The following C1QTNF3 variants were observed in gnomAD, a reference collection of about 807,000 sequenced individuals.
C1QTNF3 encodes the protein complement C1q tumor necrosis factor-related protein 3.
A neutral mutation model predicts 32.6 loss-of-function variants in C1QTNF3; 26 were observed. The ratio of observed to expected loss-of-function variants is 0.80; its 90% CI spans 0.58 to 1.11. C1QTNF3 has a LOEUF of 1.11. Ranked by LOEUF, C1QTNF3 falls within the 50% of genes least tolerant of loss-of-function variation. C1QTNF3 has a pLI of 0.00. For missense variants in C1QTNF3, 362 were observed against 398.2 expected (o/e 0.91, Z 0.77); for synonymous variants, 155 against 146.0 (o/e 1.06, Z -0.44).
chr5:34,113,240 A>G, the C1QTNF3 span, among the ~76,000 whole-genome samples: 1 of 150,024 alleles, frequency 6.7e-6, no homozygotes, highest in South Asian at 2.1e-4. Context: ...AAAAGCAAGA[A>G]TTCTAGAAGC....
chr5:34,216,730 T>C, the C1QTNF3 span, among the ~76,000 whole-genome samples: 1 of 152,330 alleles, frequency 6.6e-6, no homozygotes, highest in South Asian at 2.1e-4. Context: ...GTCCACAAAA[T>C]CTATAAATCA....
At chr5:34,100,102 C>T in the C1QTNF3 span, among the ~76,000 whole-genome samples, 1 of 151,770 alleles carries the variant, frequency 6.6e-6, no homozygotes, top group Middle Eastern at 3.2e-3. Flanking sequence ...CCGACAGGTT[C>T]AGTGTCTGGT....
At chr5:34,167,144 T>G in the C1QTNF3 span, 2 of 152,170 alleles carry the variant, frequency 1.3e-5, no homozygotes, top group Non-Finnish European at 2.9e-5. Context: ...TTTCACGTTG[T>G]AAGCATTCTT....
chr5:34,088,178 CCTTCT>C, the C1QTNF3 span, among the ~76,000 whole-genome samples: 1 of 152,036 alleles, frequency 6.6e-6, no homozygotes, highest in South Asian at 2.1e-4. Flanking sequence ...ATGGGTTAGG[CCTTCT>C]CTTGTTTTTC....
the C1QTNF3 span, among the ~76,000 whole-genome samples, chr5:34,052,220 A>C: frequency 1.3e-5 from 2 of 152,340 alleles, no homozygotes; most frequent in Non-Finnish European, 1.5e-5. Context: ...TACTACAGAT[A>C]GTCTATGGAC....
the C1QTNF3 span, among the ~76,000 whole-genome samples, chr5:34,140,940 T>C: frequency 2.0e-5 from 3 of 152,220 alleles, no homozygotes; most frequent in African/African-American, 7.2e-5. Flanking sequence ...CTGACCTCCA[T>C]AAATGTCCAT....
At chr5:34,223,888 A>G in the C1QTNF3 span, among the ~76,000 whole-genome samples, 2 of 152,132 alleles carry the variant, frequency 1.3e-5, no homozygotes, top group African/African-American at 2.4e-5. Flanking sequence ...ACATGATTGT[A>G]TATCTAGAAA....
chr5:34,208,039 C>G, the C1QTNF3 span, among the ~76,000 whole-genome samples: 3 of 152,174 alleles, frequency 2.0e-5, no homozygotes, highest in African/African-American at 7.2e-5. Context: ...ATCTGCCCAC[C>G]TTGGCCTCCC....
chr5:34,174,447 C>T, the C1QTNF3 span, among the ~76,000 whole-genome samples: 4 of 152,194 alleles, frequency 2.6e-5, no homozygotes, highest in East Asian at 3.9e-4. Context: ...CTAGGTGCCA[C>T]GCAGAGAAGA....
chr5:34,103,840 G>A, the C1QTNF3 span, among the ~76,000 whole-genome samples: 1 of 151,268 alleles, frequency 6.6e-6, no homozygotes, highest in East Asian at 1.9e-4. Flanking sequence ...AAAAAAGGTA[G>A]TCAAATCACG....
chr5:34,231,657 G>A, the C1QTNF3 span, among the ~76,000 whole-genome samples: 6 of 152,212 alleles, frequency 3.9e-5, no homozygotes, highest in Admixed American at 6.5e-5. Context: ...GCTTCCACAT[G>A]AGGCTGGGCC....
chr5:34,203,049 C>A, the C1QTNF3 span, among the ~76,000 whole-genome samples: 9 of 152,200 alleles, frequency 5.9e-5, no homozygotes, highest in Admixed American at 3.3e-4. Context: ...GAATTCGTCA[C>A]CACTAAACGA....
At chr5:34,132,427 ATG>A in the C1QTNF3 span, among the ~76,000 whole-genome samples, 43 of 38,952 alleles carry the variant, frequency 1.1e-3, no homozygotes, top group African/African-American at 2.9e-3. Context: ...ATGTATGTGT[ATG>A]TGTATGTATA....
chr5:34,209,787 T>C, the C1QTNF3 span, among the ~76,000 whole-genome samples: 1 of 152,130 alleles, frequency 6.6e-6, no homozygotes, highest in Non-Finnish European at 1.5e-5. Flanking sequence ...ACAAGAAATA[T>C]GCCAGATGTA....
the C1QTNF3 span, among the ~76,000 whole-genome samples, chr5:34,224,522 G>C: frequency 6.6e-6 from 1 of 152,078 alleles, no homozygotes; most frequent in Non-Finnish European, 1.5e-5. Flanking sequence ...TCTCATCTTT[G>C]ACAAACCTGA....
chr5:34,161,740 TA>T, the C1QTNF3 span, among the ~76,000 whole-genome samples: 2 of 152,172 alleles, frequency 1.3e-5, no homozygotes, highest in Non-Finnish European at 2.9e-5. Flanking sequence ...ATTTTAAAAA[TA>T]TTGTAAATGT....
chr5:34,129,977 AT>A, the C1QTNF3 span, among the ~76,000 whole-genome samples: 5 of 151,990 alleles, frequency 3.3e-5, no homozygotes, highest in African/African-American at 1.2e-4. Context: ...TTCCAAGCAC[AT>A]TTTCTTAAAT....
the C1QTNF3 span, among the ~76,000 whole-genome samples, chr5:34,236,570 CTTT>C: frequency 1.1e-4 from 3 of 27,302 alleles, no homozygotes; most frequent in African/African-American, 2.1e-4. Flanking sequence ...TTTCTTTTTT[CTTT>C]TTTTTTTTTT....
the C1QTNF3 span, among the ~76,000 whole-genome samples, chr5:34,137,161 A>G: frequency 1.3e-5 from 2 of 151,410 alleles, no homozygotes; most frequent in African/African-American, 4.9e-5. Context: ...AAAAAAAAAA[A>G]AGTGACTTCC....
Sources: gnomAD v4.1 joint callset for allele counts (sites outside exome capture counted in the v4.1 genomes callset) on GRCh38, gnomAD v4.1.1 for gene constraint, MANE v1.5 for transcripts, NCBI Gene and HGNC (gene_info 2026-07-23, HGNC 2026-07-21) for gene names.